MACROD2: variants seen among roughly 807,000 people sequenced by gnomAD.
MACROD2 encodes mono-ADP ribosylhydrolase 2.
A neutral mutation model predicts 70.4 loss-of-function variants in MACROD2; 36 were observed. That is an observed-to-expected ratio of 0.51 (90% CI 0.39 to 0.68). The LOEUF is 0.68. Among genes scored for constraint, MACROD2 ranks in the 30% least tolerant of loss-of-function variants. MACROD2 has a pLI of 0.00. For missense variants in MACROD2, 496 were observed against 538.4 expected (o/e 0.92, Z 0.78); for synonymous variants, 172 against 178.8 (o/e 0.96, Z 0.30).
chr20:15,280,646 A>G (rs1287656198), intron 6 of MACROD2: 1 of 152,234 alleles, frequency 6.6e-6, no homozygotes, highest in Non-Finnish European at 1.5e-5. Flanking sequence ...ACTTGGCACA[A>G]GTTATTTCCT....
chr20:15,236,396 A>C (rs762775034), intron 6 of MACROD2, among the ~76,000 whole-genome samples: 2 of 152,168 alleles, frequency 1.3e-5, no homozygotes, highest in African/African-American at 4.8e-5. Context: ...GATCCTGCAC[A>C]ATTTGTGTCT....
intron 10 of MACROD2, among the ~76,000 whole-genome samples, chr20:15,906,671 A>G (rs2065151882): frequency 6.6e-6 from 1 of 151,972 alleles, no homozygotes. Context: ...CCAGTCTGGA[A>G]CAGTTTCCCA....
chr20:14,916,866 G>GA (rs1328329527), intron 5 of MACROD2, among the ~76,000 whole-genome samples: 4 of 151,856 alleles, frequency 2.6e-5, no homozygotes, highest in Non-Finnish European at 5.9e-5. Context: ...GCGGAGAATG[G>GA]AAAAAAATAT....
intron 8 of MACROD2, among the ~76,000 whole-genome samples, chr20:15,837,632 C>A (rs528656518): frequency 1.3e-5 from 2 of 152,216 alleles, no homozygotes; most frequent in South Asian, 4.2e-4. Context: ...TTCATTTCTA[C>A]CTCCAGAAAC....
chr20:14,779,483 A>C, intron 5 of MACROD2, among the ~76,000 whole-genome samples: 1 of 151,982 alleles, frequency 6.6e-6, no homozygotes, highest in Non-Finnish European at 1.5e-5. Flanking sequence ...CCAGCCCAGC[A>C]TTCACAGCAG....
intron 3 of MACROD2, among the ~76,000 whole-genome samples, chr20:14,272,207 T>A (rs576766925): frequency 6.6e-6 from 1 of 151,616 alleles, no homozygotes; most frequent in Admixed American, 6.6e-5. Flanking sequence ...TTCACCAAAG[T>A]TGAAATGAAG....
chr20:15,374,434 A>G (rs968562201), intron 6 of MACROD2, among the ~76,000 whole-genome samples: 3 of 151,880 alleles, frequency 2.0e-5, no homozygotes, highest in South Asian at 2.1e-4. Context: ...TCTCTTTTCT[A>G]TTTTTCAACT....
At chr20:15,322,634 A>C (rs1471861967) in intron 6 of MACROD2, among the ~76,000 whole-genome samples, 1 of 144,206 alleles carries the variant, frequency 6.9e-6, no homozygotes, top group East Asian at 2.0e-4. Context: ...TTTTTGGTCA[A>C]AGTAATTTAG....
chr20:14,192,899 G>A (rs1263678928), intron 3 of MACROD2, among the ~76,000 whole-genome samples: 1 of 152,168 alleles, frequency 6.6e-6, no homozygotes, highest in Non-Finnish European at 1.5e-5. Flanking sequence ...ATCCTTGGTG[G>A]CTCATCTGAC....
chr20:15,012,959 G>A (rs1305439621), intron 5 of MACROD2, among the ~76,000 whole-genome samples: 2 of 152,284 alleles, frequency 1.3e-5, no homozygotes, highest in Middle Eastern at 3.4e-3. Context: ...CCATGTGCCA[G>A]GGCCTATGAA....
chr20:14,078,367 A>T (rs2148664898), intron 2 of MACROD2, among the ~76,000 whole-genome samples: 1 of 152,192 alleles, frequency 6.6e-6, no homozygotes, highest in African/African-American at 2.4e-5. Context: ...ATCTTTTGAC[A>T]TTTTTGAGTT....
intron 5 of MACROD2, chr20:14,933,909 C>T (rs951077985): frequency 6.6e-6 from 1 of 152,144 alleles, no homozygotes; most frequent in African/African-American, 2.4e-5. Flanking sequence ...TAGGGATGCT[C>T]TTTATAGGTG....
intron 10 of MACROD2, among the ~76,000 whole-genome samples, chr20:15,890,973 G>A (rs764859490): frequency 6.6e-6 from 1 of 152,138 alleles, no homozygotes; most frequent in Non-Finnish European, 1.5e-5. Context: ...AGAGGGATTA[G>A]GAAAGACAAG....
chr20:14,011,464 C>T (rs532621180), intron 2 of MACROD2, among the ~76,000 whole-genome samples: 5 of 152,190 alleles, frequency 3.3e-5, no homozygotes, highest in African/African-American at 9.6e-5. Flanking sequence ...GCATTTCCCC[C>T]CCTTCAGAAT....
chr20:15,979,927 T>C (rs964043564), intron 13 of MACROD2, among the ~76,000 whole-genome samples: 1 of 152,162 alleles, frequency 6.6e-6, no homozygotes, highest in African/African-American at 2.4e-5. Context: ...AAGGAAGGGC[T>C]TTATTCAGCT....
At chr20:14,448,742 CAT>C (rs1260048575) in intron 3 of MACROD2, among the ~76,000 whole-genome samples, 3 of 151,924 alleles carry the variant, frequency 2.0e-5, no homozygotes, top group East Asian at 3.9e-4. Flanking sequence ...GATTTTATCA[CAT>C]GATTTACATT....
chr20:15,637,363 G>T (rs957248048), intron 8 of MACROD2, among the ~76,000 whole-genome samples: 3 of 152,152 alleles, frequency 2.0e-5, no homozygotes, highest in Non-Finnish European at 2.9e-5. Context: ...TGTGGTGATT[G>T]ACATCGGAGC....
intron 3 of MACROD2, among the ~76,000 whole-genome samples, chr20:14,231,275 C>T (rs1383548280): frequency 6.6e-6 from 1 of 152,034 alleles, no homozygotes; most frequent in Non-Finnish European, 1.5e-5. Flanking sequence ...TCTCCTAATG[C>T]TATCCCTCCC....
intron 9 of MACROD2, among the ~76,000 whole-genome samples, chr20:15,876,846 G>T (rs1462992636): frequency 1.3e-5 from 2 of 152,030 alleles, no homozygotes; most frequent in Admixed American, 1.3e-4. Context: ...GTTTTGATTT[G>T]CATTTCTCTG....
Sources: allele counts gnomAD v4.1 joint callset (sites outside exome capture counted in the v4.1 genomes callset), GRCh38; gene constraint gnomAD v4.1.1; transcripts MANE v1.5; gene names NCBI Gene and HGNC (gene_info 2026-07-23, HGNC 2026-07-21).